Variants in PTPRM observed in about 807,000 individuals in gnomAD.
PTPRM encodes protein tyrosine phosphatase receptor type M.
A neutral mutation model predicts 186.7 loss-of-function variants in PTPRM; 47 were observed. The ratio of observed to expected loss-of-function variants is 0.25; its 90% CI spans 0.20 to 0.32. The LOEUF (loss-of-function observed/expected upper bound fraction) is 0.32. Ranked by LOEUF, PTPRM falls within the 10% of genes least tolerant of loss-of-function variation. The pLI, the probability that PTPRM is intolerant of heterozygous loss-of-function variation, is 1.00. For synonymous variants in PTPRM, 668 were observed against 674.9 expected (o/e 0.99, Z 0.16); for missense variants, 1,494 against 1,865.0 (o/e 0.80, Z 3.66).
chr18:7,737,925 C>T lies in PTPRM; in HGVS notation c.74-36224C>T, dbSNP rs1435301158. Among the ~76,000 whole-genome samples the T allele has an allele frequency of 2.6e-5, 4 of 152,296 alleles. No homozygotes were observed. In the East Asian group the frequency reaches 5.8e-4, roughly 22 times the overall value. ...GGCCAGTTCAGGGTACTGTAGCTTTCCCTTTGATTAATGAATATAACATTC... is the reference window on the plus strand; with the variant it reads ...GGCCAGTTCAGGGTACTGTAGCTTTTCCTTTGATTAATGAATATAACATTC... On this transcript the variant is annotated intron_variant, in intron 1 of 32. Coordinates refer to ENST00000580170, the MANE Select transcript of PTPRM (RefSeq NM_001105244.2).
At chr18:7,863,634 A>G (rs148420580) in intron 2 of PTPRM, among the ~76,000 whole-genome samples, 8 of 152,216 alleles carry the variant, frequency 5.3e-5, no homozygotes, top group East Asian at 1.9e-4. Context: ...AGTCTTTGCT[A>G]TTGTGAATAG....
chr18:8,165,506 A>C (rs1280826706), intron 14 of PTPRM, among the ~76,000 whole-genome samples: 1 of 152,340 alleles, frequency 6.6e-6, no homozygotes, highest in African/African-American at 2.4e-5. Flanking sequence ...GGTGACAGTG[A>C]GAAAACCAAA....
At chr18:8,285,431 T>C (rs185151353) in intron 19 of PTPRM, among the ~76,000 whole-genome samples, 2 of 152,292 alleles carry the variant, frequency 1.3e-5, no homozygotes, top group African/African-American at 2.4e-5. Context: ...CAACTGATGA[T>C]GTACAAGGTG....
At chr18:7,641,956 A>G (rs1217747858) in intron 1 of PTPRM, among the ~76,000 whole-genome samples, 1 of 152,146 alleles carries the variant, frequency 6.6e-6, no homozygotes, top group East Asian at 1.9e-4. Context: ...CTTGAGGGCT[A>G]TGAGGGATGT....
At chr18:8,229,259 C>G (rs1056000328) in intron 14 of PTPRM, among the ~76,000 whole-genome samples, 1 of 152,128 alleles carries the variant, frequency 6.6e-6, no homozygotes, top group Non-Finnish European at 1.5e-5. Context: ...CCTCACCCAG[C>G]TGGCACGTGA....
At chr18:7,959,148 A>G (rs1195865882) in intron 7 of PTPRM, among the ~76,000 whole-genome samples, 19 of 152,228 alleles carry the variant, frequency 1.2e-4, no homozygotes. Context: ...TCAGTTGCCT[A>G]GAACAAACTC....
intron 2 of PTPRM, among the ~76,000 whole-genome samples, chr18:7,831,870 C>T (rs1354630561): frequency 3.9e-5 from 6 of 152,148 alleles, no homozygotes; most frequent in Admixed American, 3.9e-4. Flanking sequence ...TAAGTGAGAA[C>T]ATGTAAGGTT....
chr18:7,918,074 G>A (rs1398646582), intron 4 of PTPRM, among the ~76,000 whole-genome samples: 1 of 120,556 alleles, frequency 8.3e-6, no homozygotes, highest in Non-Finnish European at 1.6e-5. Context: ...GTGTTCTTGT[G>A]TGTTTGTGTG....
intron 32 of PTPRM, among the ~76,000 whole-genome samples, chr18:8,399,476 T>C (rs896587117): frequency 3.3e-5 from 5 of 152,222 alleles, no homozygotes; most frequent in African/African-American, 1.2e-4. Flanking sequence ...TTTTATGGTA[T>C]GTGAATTATA....
At chr18:8,231,763 G>A (rs2094289373) in intron 14 of PTPRM, among the ~76,000 whole-genome samples, 1 of 152,060 alleles carries the variant, frequency 6.6e-6, no homozygotes, top group Non-Finnish European at 1.5e-5. Flanking sequence ...TTTCTAAACA[G>A]TATTGCAATG....
chr18:7,890,194 T>C (rs1458834265), intron 3 of PTPRM, among the ~76,000 whole-genome samples: 1 of 152,242 alleles, frequency 6.6e-6, no homozygotes, highest in East Asian at 1.9e-4. Context: ...TGCTTTTCTC[T>C]TTCTTTAATT....
At chr18:7,629,856 G>A (rs2038151059) in intron 1 of PTPRM, among the ~76,000 whole-genome samples, 1 of 152,124 alleles carries the variant, frequency 6.6e-6, no homozygotes, top group African/African-American at 2.4e-5. Context: ...ACTTAAAAAT[G>A]TTCATGGAGG....
chr18:8,178,046 C>T (rs1034362464), intron 14 of PTPRM, among the ~76,000 whole-genome samples: 7 of 152,194 alleles, frequency 4.6e-5, no homozygotes, highest in Admixed American at 2.6e-4. Flanking sequence ...TCTTAGTGTG[C>T]ATGCTTGAGC....
chr18:8,126,786 C>G (rs1441355037), intron 13 of PTPRM, among the ~76,000 whole-genome samples: 1 of 152,084 alleles, frequency 6.6e-6, no homozygotes, highest in East Asian at 1.9e-4. Flanking sequence ...GGATTGTTTA[C>G]TGAACATTAG....
chr18:8,289,539 T>TATATATATACAC (rs1568674684), intron 19 of PTPRM, among the ~76,000 whole-genome samples: 1 of 56,870 alleles, frequency 1.8e-5, no homozygotes, highest in African/African-American at 1.2e-4. Context: ...TATATACACA[T>TATATATATACAC]ATATATATAT....
intron 7 of PTPRM, among the ~76,000 whole-genome samples, chr18:8,028,986 G>A (rs1259184516): frequency 1.3e-5 from 2 of 152,344 alleles, no homozygotes; most frequent in South Asian, 2.1e-4. Context: ...GGAAATGAAT[G>A]TGTAGGTCTT....
At chr18:7,771,378 C>T (rs1023891834) in intron 1 of PTPRM, among the ~76,000 whole-genome samples, 2 of 152,162 alleles carry the variant, frequency 1.3e-5, no homozygotes, top group African/African-American at 4.8e-5. Flanking sequence ...GGGTTTGCAA[C>T]CGAGAGACAA....
intron 1 of PTPRM, chr18:7,751,263 C>T (rs112659751): frequency 0.016 from 2,390 of 152,410 alleles, 60 homozygotes; most frequent in African/African-American, 0.054. Flanking sequence ...GCCTGTCTGC[C>T]GGATGTGTCT....
At chr18:7,991,795 A>T (rs1039700226) in intron 7 of PTPRM, among the ~76,000 whole-genome samples, 2 of 152,146 alleles carry the variant, frequency 1.3e-5, no homozygotes, top group Admixed American at 1.3e-4. Context: ...TGAGCAGTGA[A>T]TGTTATAAAG....
Sources: gnomAD v4.1 joint callset for allele counts (sites outside exome capture counted in the v4.1 genomes callset) on GRCh38, gnomAD v4.1.1 for gene constraint, MANE v1.5 for transcripts, NCBI Gene and HGNC (gene_info 2026-07-23, HGNC 2026-07-21) for gene names.